The following STK40 variants were observed in gnomAD, a reference collection of about 807,000 sequenced individuals.
STK40 encodes serine/threonine-protein kinase 40.
In STK40, 13 loss-of-function variants were observed where a neutral mutation model predicts 47.9. That is an observed-to-expected ratio of 0.27 (90% CI 0.18 to 0.43). The LOEUF (loss-of-function observed/expected upper bound fraction) is 0.43, where lower values mean the gene tolerates loss of function less well. Among genes scored for constraint, STK40 ranks in the 20% least tolerant of loss-of-function variants. STK40 has a pLI of 1.00. For missense variants in STK40, 460 were observed against 595.1 expected (o/e 0.77, Z 2.36); for synonymous variants, 225 against 243.2 (o/e 0.93, Z 0.69).
intron 6 of STK40, 91 bp from the exon 7 acceptor site, chr1:36,348,906 C>G: frequency 9.2e-7 from 1 of 1,092,806 alleles, no homozygotes; most frequent in Non-Finnish European, 1.4e-6. Flanking sequence ...GGGCCAACAC[C>G]CAATCCTGAA....
At chr1:36,374,981 C>T (rs1295970480) in intron 1 of STK40, among the ~76,000 whole-genome samples, 1 of 152,194 alleles carries the variant, frequency 6.6e-6, no homozygotes, top group Non-Finnish European at 1.5e-5. Context: ...AGTTCAAGTT[C>T]TTACCACCCA....
intron 1 of STK40, among the ~76,000 whole-genome samples, chr1:36,384,431 GAATTCTT>G (rs1430102346): frequency 6.6e-6 from 1 of 152,214 alleles, no homozygotes; most frequent in Non-Finnish European, 1.5e-5. Context: ...AACATTTATT[GAATTCTT>G]ATTACGTGGC....
intron 1 of STK40, among the ~76,000 whole-genome samples, chr1:36,374,188 A>T (rs1646972881): frequency 6.6e-6 from 1 of 152,234 alleles, no homozygotes; most frequent in African/African-American, 2.4e-5. Flanking sequence ...GCCCCACATA[A>T]GGAGACTGCG....
Position 36,341,834 on chromosome 1 carries a change from A to G in STK40, c.1229T>C (p.Val410Ala). The G allele has an allele frequency of 6.2e-7, 1 of 1,613,582 alleles. No homozygotes were observed. Among genetic ancestry groups the G allele is most frequent in the Admixed American group, 1.7e-5 (1 of 60,016 alleles). The change falls in exon 11 of 11, where the codon GTG (valine) becomes GCG (alanine). Residue 410 changes from valine (V) to alanine (A), a missense_variant. By Grantham distance (64) the Val-to-Ala change is moderately conservative (BLOSUM62 0). Around this residue, in one of 3 missense-constraint regions of STK40, gnomAD observed 181 missense variants for 218.9 expected, o/e 0.83. Coordinates refer to ENST00000373132, the MANE Select transcript of STK40 (RefSeq NM_001282547.2). ...CTGTGCGTCGTGGCCCAGCCGTCGCACCGGTGGTGCGCTGCCGAACTGCCG... is the reference window on the plus strand; with the variant it reads ...CTGTGCGTCGTGGCCCAGCCGTCGCGCCGGTGGTGCGCTGCCGAACTGCCG... ...PKRQFGSAPPVRRLGHDAQPM... is the reference protein window; with the variant it reads ...PKRQFGSAPPARRLGHDAQPM...
chr1:36,340,496 TG>T lies in STK40; in HGVS notation c.*1258del, dbSNP rs1275008214. The T allele has an allele frequency of 6.6e-6, 1 of 152,242 alleles. No homozygotes were observed. Among genetic ancestry groups the T allele is most frequent in the Non-Finnish European group, 1.5e-5 (1 of 68,030 alleles). 9.4% of individuals were successfully genotyped at this position (152,242 alleles called of 1,614,324 possible). A position where few individuals can be genotyped will look rare whatever the true frequency, so the allele number is the denominator to read the frequency against. The stretch of plus-strand genomic sequence containing the variant: ...GACACTCAGCCTCTCTGAGGACATA[TG>T]GGGGGTAGGCCTCTGGGGAAGGGTC... On this transcript the variant is annotated 3_prime_UTR_variant, in exon 11 of 11. Transcript: ENST00000373132.
chr1:36,364,024 A>G (rs888724991), intron 1 of STK40, among the ~76,000 whole-genome samples: 5 of 139,934 alleles, frequency 3.6e-5, no homozygotes, highest in Admixed American at 7.2e-5. Flanking sequence ...GGTGGTGGGC[A>G]CCTGTAGTCC....
chr1:36,354,562 C>G (rs1285760622), intron 5 of STK40, 146 bp from the exon 6 acceptor site: 4 of 794,214 alleles, frequency 5.0e-6, no homozygotes, highest in Non-Finnish European at 8.6e-6. Context: ...ACAGGCAGAT[C>G]AGGACAGTTC....
intron 7 of STK40, among the ~76,000 whole-genome samples, chr1:36,345,946 A>G (rs1023625939): frequency 7.1e-6 from 1 of 140,790 alleles, no homozygotes; most frequent in Non-Finnish European, 1.5e-5. Flanking sequence ...CGATCATGCC[A>G]AACACTAGGT....
chr1:36,359,932 C>G (rs1646837075), intron 2 of STK40, among the ~76,000 whole-genome samples: 1 of 152,216 alleles, frequency 6.6e-6, no homozygotes, highest in South Asian at 2.1e-4. Context: ...TCTTCCCCAG[C>G]TTTCCCCACA....
intron 2 of STK40, among the ~76,000 whole-genome samples, chr1:36,359,348 G>A (rs990680364): frequency 6.6e-6 from 1 of 152,226 alleles, no homozygotes; most frequent in African/African-American, 2.4e-5. Context: ...TGAGGCTGCA[G>A]TGAACTGTGT....
chr1:36,365,741 G>A (rs1433382602), intron 1 of STK40, among the ~76,000 whole-genome samples: 1 of 152,102 alleles, frequency 6.6e-6, no homozygotes, highest in Non-Finnish European at 1.5e-5. Flanking sequence ...TGACCAGTGG[G>A]TCCCAGTTAG....
At position 36,341,786 on chromosome 1, in the gene STK40, G is replaced by A; in HGVS notation, c.1277C>T (p.Ala426Val). The change falls in exon 11 of 11, where the codon GCC becomes GTC. Residue 426 changes from alanine to valine, a missense_variant. Coordinates refer to ENST00000373132, the MANE Select transcript of STK40 (RefSeq NM_001282547.2). ...CCGCAGGTAGCGCTGCGCCAGGATGGCCGTGTCCAAGGAGGTCATGGGCTG... is the reference window on the plus strand; with the variant it reads ...CCGCAGGTAGCGCTGCGCCAGGATGACCGTGTCCAAGGAGGTCATGGGCTG... ...DAQPMTSLDT[A>V]ILAQRYLRK The A allele has an allele frequency of 6.2e-7, 1 of 1,612,322 alleles. No individual in the cohort carries two copies.
At chr1:36,376,534 A>G (rs924234696) in intron 1 of STK40, among the ~76,000 whole-genome samples, 1 of 152,236 alleles carries the variant, frequency 6.6e-6, no homozygotes, top group African/African-American at 2.4e-5. Context: ...GCAGCAAAAA[A>G]CAAAACCATA....
intron 1 of STK40, among the ~76,000 whole-genome samples, chr1:36,380,895 C>T (rs1032429037): frequency 2.6e-5 from 4 of 152,168 alleles, no homozygotes; most frequent in Non-Finnish European, 5.9e-5. Flanking sequence ...GAGGGTGTGC[C>T]CAGGGTTTAC....
intron 1 of STK40, among the ~76,000 whole-genome samples, chr1:36,376,082 T>G (rs1399667892): frequency 6.6e-6 from 1 of 151,982 alleles, no homozygotes; most frequent in African/African-American, 2.4e-5. Context: ...TTCTGAAGTT[T>G]GACTGAATGT....
intron 6 of STK40, among the ~76,000 whole-genome samples, chr1:36,349,332 A>G (rs1646730885): frequency 6.6e-6 from 1 of 152,222 alleles, no homozygotes; most frequent in Non-Finnish European, 1.5e-5. Context: ...ACTTGGCCCC[A>G]CAACCACTGC....
intron 1 of STK40, among the ~76,000 whole-genome samples, chr1:36,383,886 TC>T (rs1443290517): frequency 6.6e-6 from 1 of 152,042 alleles, no homozygotes; most frequent in Non-Finnish European, 1.5e-5. Flanking sequence ...CCTTTTAGAC[TC>T]AGCTCCAGCA....
intron 2 of STK40, among the ~76,000 whole-genome samples, chr1:36,359,670 C>T (rs1646834949): frequency 6.6e-6 from 1 of 152,238 alleles, no homozygotes; most frequent in Admixed American, 6.5e-5. Flanking sequence ...TAACGAAGCT[C>T]CGCTGCTCTT....
chr1:36,355,945 C>G (rs950077986), intron 4 of STK40, among the ~76,000 whole-genome samples: 5 of 152,090 alleles, frequency 3.3e-5, no homozygotes, highest in Admixed American at 3.3e-4. Flanking sequence ...TTCCTCTTTT[C>G]TCAGAAAAGA....
Sources: allele counts gnomAD v4.1 joint callset (sites outside exome capture counted in the v4.1 genomes callset), GRCh38; gene constraint gnomAD v4.1.1; regional missense constraint gnomAD v4.1.1; transcripts MANE v1.5; gene names NCBI Gene and HGNC (gene_info 2026-07-23, HGNC 2026-07-21).